Variants in DLGAP4 observed in about 807,000 individuals in gnomAD.
The protein encoded by DLGAP4 is DLG associated protein 4, also known as disks large-associated protein 4.
Under a neutral mutation model 86.9 loss-of-function variants are expected in DLGAP4, and 18 were observed. The ratio of observed to expected loss-of-function variants is 0.21; its 90% CI spans 0.14 to 0.31. The LOEUF is 0.31. Ranked by LOEUF, DLGAP4 falls within the 10% of genes least tolerant of loss-of-function variation. The pLI is 1.00. For missense variants in DLGAP4, 1,085 were observed against 1,362.6 expected (o/e 0.80, Z 3.21); for synonymous variants, 548 against 574.3 (o/e 0.95, Z 0.65).
intron 2 of DLGAP4, among the ~76,000 whole-genome samples, chr20:36,372,649 G>A (rs1476825846): frequency 6.6e-6 from 1 of 152,072 alleles, no homozygotes. Context: ...CTGAATCATG[G>A]AATCTTAGTC....
intron 7 of DLGAP4, among the ~76,000 whole-genome samples, chr20:36,487,250 C>T (rs767230448): frequency 8.5e-5 from 13 of 152,298 alleles, no homozygotes; most frequent in Non-Finnish European, 1.6e-4. Flanking sequence ...TGGACACACT[C>T]AACTTGAATG....
At chr20:36,329,133 C>T (rs1436403770) in intron 1 of DLGAP4, among the ~76,000 whole-genome samples, 4 of 152,156 alleles carry the variant, frequency 2.6e-5, no homozygotes, top group South Asian at 2.1e-4. Context: ...CGGTCTTGAA[C>T]GCCTGACCTC....
At chr20:36,399,514 C>T (rs944623199) in intron 2 of DLGAP4, among the ~76,000 whole-genome samples, 1 of 152,210 alleles carries the variant, frequency 6.6e-6, no homozygotes, top group Admixed American at 6.5e-5. Flanking sequence ...GAATGGCCAG[C>T]CAAGGGACAG....
At chr20:36,484,206 G>A (rs1423971432) in intron 7 of DLGAP4, among the ~76,000 whole-genome samples, 1 of 152,012 alleles carries the variant, frequency 6.6e-6, no homozygotes, top group Non-Finnish European at 1.5e-5. Flanking sequence ...TTGGTGAGCC[G>A]ATATAGTTAA....
intron 1 of DLGAP4, among the ~76,000 whole-genome samples, chr20:36,340,784 G>A (rs1204980654): frequency 1.3e-5 from 2 of 152,228 alleles, no homozygotes; most frequent in African/African-American, 4.8e-5. Context: ...TCCCTCGGGG[G>A]GCTGTCGGGA....
chr20:36,433,251 A>G (rs1001420311), intron 3 of DLGAP4, among the ~76,000 whole-genome samples: 1 of 152,254 alleles, frequency 6.6e-6, no homozygotes, highest in African/African-American at 2.4e-5. Context: ...GAATACTGGG[A>G]AAGACATGGA....
At chr20:36,394,298 C>T (rs1281184278) in intron 2 of DLGAP4, among the ~76,000 whole-genome samples, 1 of 152,186 alleles carries the variant, frequency 6.6e-6, no homozygotes, top group Non-Finnish European at 1.5e-5. Context: ...CTGGCTGGGG[C>T]CTATCACAGA....
chr20:36,450,340 A>C (rs2033703989), intron 7 of DLGAP4, among the ~76,000 whole-genome samples: 1 of 152,190 alleles, frequency 6.6e-6, no homozygotes, highest in African/African-American at 2.4e-5. Flanking sequence ...TCTACTAAAA[A>C]TACAAAAATT....
intron 4 of DLGAP4, 86 bp from the exon 5 acceptor site, chr20:36,439,668 C>T: frequency 8.7e-7 from 1 of 1,150,270 alleles, no homozygotes; most frequent in Non-Finnish European, 1.3e-6. Context: ...GTGTGGACCA[C>T]CTGTGCATCA....
chr20:36,411,826 C>T (rs1019081041), intron 2 of DLGAP4, among the ~76,000 whole-genome samples: 9 of 152,118 alleles, frequency 5.9e-5, no homozygotes, highest in Admixed American at 5.2e-4. Flanking sequence ...CGCCTTTGGC[C>T]ATGATTTTGT....
chr20:36,408,811 A>G (rs1402178551), intron 2 of DLGAP4, among the ~76,000 whole-genome samples: 1 of 152,250 alleles, frequency 6.6e-6, no homozygotes, highest in Non-Finnish European at 1.5e-5. Flanking sequence ...GCAATGCGGT[A>G]TCCTCGACTG....
intron 7 of DLGAP4, among the ~76,000 whole-genome samples, chr20:36,482,500 A>G (rs2035231959): frequency 1.3e-5 from 2 of 152,044 alleles, no homozygotes; most frequent in African/African-American, 2.4e-5. Context: ...AGCTCGTATG[A>G]TACAGCCAGT....
intron 7 of DLGAP4, among the ~76,000 whole-genome samples, chr20:36,464,846 G>A (rs1006365435): frequency 6.6e-6 from 1 of 150,598 alleles, no homozygotes; most frequent in Non-Finnish European, 1.5e-5. Flanking sequence ...GCAAAACTCT[G>A]TCTCAAAAAA....
At chr20:36,461,676 C>G in intron 7 of DLGAP4, 1 of 167,738 alleles carries the variant, frequency 6.0e-6, no homozygotes, top group Non-Finnish European at 1.1e-5. Context: ...CGGCCCGGCC[C>G]GGCCCTGCCC....
intron 2 of DLGAP4, among the ~76,000 whole-genome samples, chr20:36,427,030 A>G (rs2032992485): frequency 1.3e-5 from 2 of 151,716 alleles, no homozygotes; most frequent in Admixed American, 1.3e-4. Flanking sequence ...AAAAAAAAAA[A>G]TGTTTTTTCT....
intron 7 of DLGAP4, chr20:36,492,848 G>A (rs1375649361): frequency 6.6e-6 from 1 of 152,106 alleles, no homozygotes; most frequent in East Asian, 1.9e-4. Flanking sequence ...GGGACTTTAG[G>A]TCAAACAAAT....
At position 36,507,384 on chromosome 20, in the gene DLGAP4, C is replaced by T. The variant is rs749188433; in HGVS notation, c.2512+6773C>T. Among the ~76,000 whole-genome samples, 8 of 152,060 alleles carry T rather than the reference C, an allele frequency of 5.3e-5. No homozygotes were observed. The East Asian group carries it at 1.3e-3, about 26-fold the overall frequency. On this transcript the variant is annotated intron_variant, in intron 10 of 12. Transcript: ENST00000339266. ...CTGGGATTACAGGCACATGCCACCA[C>T]GTCCAGCTAATTTTTGTATTTTTAG...
chr20:36,331,683 C>T (rs2065269941), intron 1 of DLGAP4, among the ~76,000 whole-genome samples: 2 of 152,342 alleles, frequency 1.3e-5, no homozygotes, highest in South Asian at 4.1e-4. Context: ...GTTTATGGAG[C>T]ACCTACTGTG....
chr20:36,314,107 G>A (rs1488274606), intron 1 of DLGAP4, among the ~76,000 whole-genome samples: 3 of 151,958 alleles, frequency 2.0e-5, no homozygotes, highest in African/African-American at 4.8e-5. Flanking sequence ...GACTGGGAGT[G>A]CACAAGGCCT....
Sources: gnomAD v4.1 joint callset for allele counts (sites outside exome capture counted in the v4.1 genomes callset) on GRCh38, gnomAD v4.1.1 for gene constraint, MANE v1.5 for transcripts, NCBI Gene and HGNC (gene_info 2026-07-23, HGNC 2026-07-21) for gene names.